Variants in SIPA1L2 observed in about 807,000 individuals in gnomAD.
SIPA1L2 encodes the protein signal-induced proliferation-associated 1-like protein 2.
A neutral mutation model predicts 163.9 loss-of-function variants in SIPA1L2; 56 were observed. The ratio of observed to expected loss-of-function variants is 0.34; its 90% confidence interval spans 0.28 to 0.43. The LOEUF (loss-of-function observed/expected upper bound fraction) is 0.43. SIPA1L2 is among the 20% of genes least tolerant of loss of function. The pLI is 1.00. For synonymous variants in SIPA1L2, 877 were observed against 865.7 expected, an observed-to-expected ratio of 1.01 and a Z score of -0.23; for missense variants, 1,974 against 2,193.5, an observed-to-expected ratio of 0.90 and a Z score of 2.00.
At chr1:232,587,897 C>G (rs1466487043) in intron 1 of SIPA1L2, among the ~76,000 whole-genome samples, 1 of 152,178 alleles carries the variant, frequency 6.6e-6, no homozygotes, top group African/African-American at 2.4e-5. Context: ...GGCTCTCACT[C>G]TTCTCTTATC....
At chr1:232,479,603 AG>A (rs1429137210) in intron 7 of SIPA1L2, 23 bp downstream of exon 7, 1 of 1,592,788 alleles carries the variant, frequency 6.3e-7, no homozygotes, top group South Asian at 1.1e-5. Context: ...CAGCGTAAAA[AG>A]CTCCAGGCTG....
chr1:232,582,461 A>G (rs990074407), intron 1 of SIPA1L2, among the ~76,000 whole-genome samples: 1 of 152,168 alleles, frequency 6.6e-6, no homozygotes, highest in African/African-American at 2.4e-5. Context: ...TTCCAACTCC[A>G]TCCATGTTGG....
chr1:232,439,999 T>G (rs1178365962), intron 14 of SIPA1L2, among the ~76,000 whole-genome samples: 3 of 152,194 alleles, frequency 2.0e-5, no homozygotes, highest in Non-Finnish European at 4.4e-5. Context: ...ATGATTCCTG[T>G]GTGAAGCAAA....
chr1:232,424,012 A>AATC (rs1661730575), intron 18 of SIPA1L2, among the ~76,000 whole-genome samples: 1 of 152,132 alleles, frequency 6.6e-6, no homozygotes, highest in African/African-American at 2.4e-5. Flanking sequence ...AGCACAGAGG[A>AATC]TTTTTAGGGC....
chr1:232,504,313 TG>T (rs1402813924), intron 3 of SIPA1L2, among the ~76,000 whole-genome samples: 1 of 152,058 alleles, frequency 6.6e-6, no homozygotes, highest in Non-Finnish European at 1.5e-5. Flanking sequence ...CCGAGGCAGG[TG>T]GATCACTTGA....
Position 232,465,493 on chromosome 1 carries a change from TATACAC to T in SIPA1L2, c.2244-83_2244-78del. On this transcript the variant is annotated intron_variant, in intron 8 of 22. Transcript: ENST00000674635. The surrounding 1 kb of genome is among the most constrained non-coding windows in gnomAD (Gnocchi z 4.1). The stretch of plus-strand genomic sequence containing the variant: ...TGTATCTTTCCGAATTTGACATATA[TATACAC>T]ACACACACACATATACATACACACA... 3 of 1,134,984 alleles carry T rather than the reference TATACAC, an allele frequency of 2.6e-6. No individual in the cohort carries two copies. The highest frequency in any genetic ancestry group is 2.5e-6 in the Non-Finnish European group (2 of 785,382). The allele number at this position is 1,134,984 out of a possible 1,614,324, so 70.3% of individuals were successfully genotyped here.
intron 2 of SIPA1L2, among the ~76,000 whole-genome samples, chr1:232,547,779 G>T (rs2254220): frequency 0.55 from 83,243 of 151,884 alleles, 23,829 homozygotes; most frequent in East Asian, 0.75. Flanking sequence ...CACTTCCAAA[G>T]CCCTCTCATT....
chr1:232,452,382 C>T lies in SIPA1L2; in HGVS notation c.3096-6596G>A, dbSNP rs553027426. ...ACTGCCAAGTACTGTAGTGTATGCA[C>T]TCCACAACTTCAGAGGCACCCAGGA... On this transcript the variant is annotated intron_variant, in intron 10 of 22. Transcript: ENST00000674635. 2.6e-5 allele frequency among the ~76,000 whole-genome samples: 4 copies of T among 151,426 alleles called. No individual in the cohort carries two copies. The South Asian group carries it at 8.4e-4, about 32-fold the overall frequency.
rs140288909 is a variant in SIPA1L2 at position 232,411,619 on chromosome 1, TTTTC to T, written c.4762+3871_4762+3874del. 0.034 allele frequency among the ~76,000 whole-genome samples: 5,202 copies of T among 152,152 alleles called. 724 individuals carry two copies. The East Asian group carries it at 0.48, about 14-fold the overall frequency. On this transcript the variant is annotated intron_variant, in intron 19 of 22. Coordinates refer to ENST00000674635, the MANE Select transcript of SIPA1L2 (RefSeq NM_020808.5). Reference sequence around the variant, plus strand: ...TTTTTTTTACAACTTACTTCATTCCTTTTCTTTGTGTGTTTTTCTTTCACAGTTT... The same window carrying T: ...TTTTTTTTACAACTTACTTCATTCCTTTTGTGTGTTTTTCTTTCACAGTTT...
intron 9 of SIPA1L2, among the ~76,000 whole-genome samples, 163 bp from the exon 10 acceptor site, chr1:232,461,324 C>T (rs1023328848): frequency 6.6e-6 from 1 of 152,216 alleles, no homozygotes; most frequent in Non-Finnish European, 1.5e-5. Flanking sequence ...AGTGACAGGA[C>T]AAGGACACAT....
intron 2 of SIPA1L2, among the ~76,000 whole-genome samples, chr1:232,569,869 T>C (rs1659619128): frequency 6.6e-6 from 1 of 152,146 alleles, no homozygotes; most frequent in Non-Finnish European, 1.5e-5. Flanking sequence ...CATTCAAGTC[T>C]AGAATTCTAC....
rs141169337 is a variant in SIPA1L2, at chr1:232,575,701, T to C, written c.-318-1479A>G. Among the ~76,000 whole-genome samples, 95 of 152,200 alleles carry C rather than the reference T, an allele frequency of 6.2e-4. 1 individual carries two copies. In the East Asian group the frequency reaches 0.016, roughly 26 times the overall value. On this transcript the variant is annotated intron_variant, in intron 1 of 22. Coordinates refer to ENST00000674635, the MANE Select transcript of SIPA1L2 (RefSeq NM_020808.5). ...ACAGCCAAAAGAACTGAAAGCAGGA[T>C]CTCGAAGATGAACTGGCACAGCCCT...
intron 1 of SIPA1L2, among the ~76,000 whole-genome samples, chr1:232,621,694 A>C (rs540800587): frequency 6.6e-6 from 1 of 152,260 alleles, no homozygotes; most frequent in East Asian, 1.9e-4. Context: ...TCTCTTCATA[A>C]ATCAACATTA....
rs754292141 is a variant in SIPA1L2, at chr1:232,514,921, G to A, written c.419C>T (p.Thr140Ile). 1.2e-6 allele frequency: 2 copies of A among 1,614,122 alleles called. 1 individual carries two copies. The highest frequency in any genetic ancestry group is 2.2e-5 in the South Asian group (2 of 91,072). Residue 140 changes from threonine (T) to isoleucine (I), a missense_variant, in exon 3 of 23, where the codon ACA becomes ATA. Physicochemically the swap from Thr to Ile is moderately conservative, Grantham distance 89. Around this residue, in one of 3 missense-constraint regions of SIPA1L2, gnomAD observed 607 missense variants for 624.0 expected, o/e 0.97. Coordinates refer to ENST00000674635, the MANE Select transcript of SIPA1L2 (RefSeq NM_020808.5). ...LDLDFVEAKY[T>I]IGDIFVHSPQ... The stretch of plus-strand genomic sequence containing the variant: ...GGAATGGACAAAGATGTCTCCGATT[G>A]TGTACTTGGCCTCCACGAAGTCCAG...
chr1:232,428,397 C>A lies in SIPA1L2; in HGVS notation c.4410+14G>T. The A allele has an allele frequency of 6.8e-7, 1 of 1,465,518 alleles. No homozygotes were observed. Among genetic ancestry groups the A allele is most frequent in the South Asian group, 1.5e-5 (1 of 66,170 alleles). The allele number at this position is 1,465,518 out of a possible 1,614,324, so 90.8% of individuals were successfully genotyped here. ...AGTGTTTCTGGTAACTTCAAAGCTC[C>A]CTAAGTCACTAACCTTTCTTCGCCC... On this transcript the variant is annotated intron_variant, in intron 17 of 22. Coordinates refer to ENST00000674635, the MANE Select transcript of SIPA1L2 (RefSeq NM_020808.5).
At chr1:232,441,016 T>C (rs1176750361) in intron 14 of SIPA1L2, among the ~76,000 whole-genome samples, 1 of 152,238 alleles carries the variant, frequency 6.6e-6, no homozygotes, top group Non-Finnish European at 1.5e-5. Context: ...GGTTAACAGA[T>C]TACAAATGGG....
Position 232,514,543 on chromosome 1 carries a change from C to T in SIPA1L2, c.797G>A (p.Ser266Asn), listed in dbSNP as rs761063595. 5.0e-6 allele frequency: 8 copies of T among 1,614,066 alleles called. No homozygotes were observed. The highest frequency in any genetic ancestry group is 6.8e-6 in the Non-Finnish European group (8 of 1,180,038). The stretch of plus-strand genomic sequence containing the variant: ...CCTGTCTCTCCCCATCAGGAGGGCA[C>T]TGTCCACATAATCTAATCCTGAGAT... ...VRISGLDYVDSALLMGRDRDK... is the reference protein window; with the variant it reads ...VRISGLDYVDNALLMGRDRDK... Residue 266 changes from serine to asparagine, a missense_variant, in exon 3 of 23, where the codon AGT becomes AAT. By Grantham distance (46) the Ser-to-Asn change is conservative. Transcript: ENST00000674635.
chr1:232,617,703 G>A (rs570097723), intron 1 of SIPA1L2, among the ~76,000 whole-genome samples: 204 of 152,120 alleles, frequency 1.3e-3, no homozygotes, highest in African/African-American at 3.5e-3. Context: ...TAAGTTGACC[G>A]GGCAGGGACA....
chr1:232,539,913 G>T (rs897007049), intron 2 of SIPA1L2, among the ~76,000 whole-genome samples: 1 of 152,216 alleles, frequency 6.6e-6, no homozygotes, highest in African/African-American at 2.4e-5. Flanking sequence ...AAAGGTCTGT[G>T]TCTAACTTGT....
Sources: allele counts gnomAD v4.1 joint callset (sites outside exome capture counted in the v4.1 genomes callset), GRCh38; gene constraint gnomAD v4.1.1; regional missense constraint gnomAD v4.1.1; non-coding constraint Gnocchi (gnomAD v3.1); transcripts MANE v1.5; gene names NCBI Gene and HGNC (gene_info 2026-07-23, HGNC 2026-07-21).